INTS4: variants seen among roughly 807,000 people sequenced by gnomAD.
INTS4 encodes integrator complex subunit 4, also known as MSTP093.
INTS4 carries 70 observed loss-of-function variants against 119.5 expected under a neutral mutation model. The ratio of observed to expected loss-of-function variants is 0.59; its 90% CI spans 0.48 to 0.71. The LOEUF (loss-of-function observed/expected upper bound fraction) is 0.71. Among genes scored for constraint, INTS4 ranks in the 30% least tolerant of loss-of-function variants. INTS4 has a pLI of 0.00. For synonymous variants in INTS4, 316 were observed against 419.6 expected, an observed-to-expected ratio of 0.75 and a Z score of 3.02; for missense variants, 867 against 1,173.2, an observed-to-expected ratio of 0.74 and a Z score of 3.81.
At chr11:77,909,037 G>GT (rs1241016877) in intron 15 of INTS4, among the ~76,000 whole-genome samples, 2 of 152,320 alleles carry the variant, frequency 1.3e-5, no homozygotes, top group Non-Finnish European at 2.9e-5. Flanking sequence ...GACCTTATCA[G>GT]TTCAGTTGAA....
chr11:77,962,701 A>AT (rs1855287793), intron 4 of INTS4, among the ~76,000 whole-genome samples: 1 of 151,870 alleles, frequency 6.6e-6, no homozygotes, highest in African/African-American at 2.4e-5. Context: ...TGGTACTTGT[A>AT]TTTTATTTTT....
chr11:77,962,186 G>A (rs1954491915), intron 4 of INTS4, among the ~76,000 whole-genome samples: 1 of 152,216 alleles, frequency 6.6e-6, no homozygotes, highest in Non-Finnish European at 1.5e-5. Flanking sequence ...AGAAGGCTGA[G>A]GTAGGAGGAT....
chr11:77,974,506 G>T (rs1855869523), intron 4 of INTS4, among the ~76,000 whole-genome samples: 1 of 151,494 alleles, frequency 6.6e-6, no homozygotes, highest in Non-Finnish European at 1.5e-5. Context: ...CTCCCAAAGT[G>T]CTGGGATTAC....
At chr11:77,931,799 A>G (rs1030842309) in intron 10 of INTS4, among the ~76,000 whole-genome samples, 1 of 152,200 alleles carries the variant, frequency 6.6e-6, no homozygotes, top group Non-Finnish European at 1.5e-5. Context: ...ATCTACAACC[A>G]TCTGATCTTT....
intron 12 of INTS4, 171 bp from the exon 13 acceptor site, chr11:77,922,642 A>T (rs1953391095): frequency 2.1e-6 from 2 of 970,716 alleles, no homozygotes. Flanking sequence ...GAACTCGGTT[A>T]ATTCATCTAA....
intron 6 of INTS4, among the ~76,000 whole-genome samples, 153 bp from the exon 7 acceptor site, chr11:77,958,987 A>G (rs1243646480): frequency 1.3e-5 from 2 of 152,186 alleles, no homozygotes; most frequent in Non-Finnish European, 2.9e-5. Flanking sequence ...TTAAAAATGA[A>G]TCTTGACCTC....
At chr11:77,920,646 AT>A (rs1276980824) in intron 14 of INTS4, among the ~76,000 whole-genome samples, 4 of 151,880 alleles carry the variant, frequency 2.6e-5, no homozygotes, top group Non-Finnish European at 2.9e-5. Context: ...AGGTCAGGAG[AT>A]CAAGACCATC....
chr11:77,919,068 T>C, intron 14 of INTS4, 90 bp from the exon 15 acceptor site: 1 of 1,378,120 alleles, frequency 7.3e-7, no homozygotes, highest in Non-Finnish European at 1.0e-6. Flanking sequence ...ATTAAAAACG[T>C]GAGCTAAACA....
chr11:77,991,732 C>T (rs1015270797), intron 1 of INTS4, among the ~76,000 whole-genome samples: 22 of 152,010 alleles, frequency 1.4e-4, no homozygotes, highest in African/African-American at 4.6e-4. Flanking sequence ...ATTGTGGTAG[C>T]CTTTGGGTTT....
chr11:77,907,083 G>T (rs1591040345), intron 16 of INTS4, among the ~76,000 whole-genome samples: 1 of 151,170 alleles, frequency 6.6e-6, no homozygotes, highest in South Asian at 2.1e-4. Context: ...GAGTTTTTTT[G>T]TTTGTTTGTT....
chr11:77,921,470 A>G lies in INTS4; in HGVS notation c.1634T>C (p.Ile545Thr). 2 of 1,604,076 alleles carry G rather than the reference A, an allele frequency of 1.2e-6. No individual in the cohort carries two copies. The highest frequency in any genetic ancestry group is 1.7e-6 in the Non-Finnish European group (2 of 1,170,946). The change falls in exon 14 of 23, where the codon ATT (isoleucine) becomes ACT (threonine). Residue 545 changes from isoleucine (I) to threonine (T), a missense_variant. Physicochemically the swap from Ile to Thr is moderately conservative, Grantham distance 89. Transcript: ENST00000534064. The part of the protein sequence containing the change: ...AEPDMDDPAY[I>T]AVLVLIFNAA... ...ATTGAAAATAAGTACCAAAACTGCA[A>G]TATCTGATAGATGACTGGGTTAAGT... is the stretch of plus-strand genomic sequence containing the variant.
downstream of INTS4, chr11:77,878,696 T>C: frequency 1.4e-6 from 1 of 690,004 alleles, no homozygotes; most frequent in Non-Finnish European, 2.6e-6. Context: ...ACGCATTTCT[T>C]TACAGACCAG....
downstream of INTS4, chr11:77,876,819 TA>T (rs1951607852): frequency 1.7e-6 from 1 of 599,186 alleles, no homozygotes; most frequent in Non-Finnish European, 3.0e-6. Flanking sequence ...AAATGAGGGC[TA>T]ACTTGGAGGA....
chr11:77,950,776 G>C (rs1280142043), intron 8 of INTS4, among the ~76,000 whole-genome samples: 2 of 152,032 alleles, frequency 1.3e-5, no homozygotes, highest in East Asian at 3.9e-4. Context: ...CAACGTGCAG[G>C]TTAGTTACAT....
In INTS4 at chr11:77,928,418, A is replaced by G. The variant is rs1953563650; in HGVS notation, c.1295T>C (p.Ile432Thr). 6.2e-7 allele frequency: 1 copy of G among 1,610,974 alleles called. No homozygotes were observed. Among genetic ancestry groups the G allele is most frequent in the Non-Finnish European group, 8.5e-7 (1 of 1,177,564 alleles). ...GTTAGAGATTTTTCTCATGGTATGT[A>G]TAGACTGCAGACGTACTTCCTCAAT... ...DEIEEVRLQS[I>T]HTMRKISNNI... Residue 432 changes from isoleucine (I) to threonine (T), a missense_variant, in exon 11 of 23, where the codon ATA (isoleucine) becomes ACA (threonine). Around this residue, in one of 5 missense-constraint regions of INTS4, gnomAD observed 208 missense variants for 306.6 expected, o/e 0.68. Coordinates refer to ENST00000534064, the MANE Select transcript of INTS4 (RefSeq NM_033547.4).
At chr11:77,975,367 A>G (rs1855904632) in intron 4 of INTS4, among the ~76,000 whole-genome samples, 1 of 152,032 alleles carries the variant, frequency 6.6e-6, no homozygotes, top group Admixed American at 6.6e-5. Context: ...TAATTTCCAC[A>G]TTTGTGGGTT....
intron 6 of INTS4, 84 bp from the exon 7 acceptor site, chr11:77,958,918 G>T: frequency 1.1e-6 from 1 of 891,614 alleles, no homozygotes; most frequent in Non-Finnish European, 1.8e-6. Context: ...AGATAGGGTG[G>T]TTGGATAAGG....
At chr11:77,952,062 G>T (rs1340283107) in intron 8 of INTS4, among the ~76,000 whole-genome samples, 1 of 152,132 alleles carries the variant, frequency 6.6e-6, no homozygotes, top group East Asian at 1.9e-4. Context: ...TTACACTGTT[G>T]GTGGGACTGT....
intron 9 of INTS4, 42 bp downstream of exon 9, chr11:77,941,138 G>A (rs753663186): frequency 1.2e-6 from 2 of 1,604,034 alleles, no homozygotes; most frequent in Non-Finnish European, 1.7e-6. Flanking sequence ...CCACTACATT[G>A]GTTACAGAAA....
Sources: allele counts gnomAD v4.1 joint callset (sites outside exome capture counted in the v4.1 genomes callset), GRCh38; gene constraint gnomAD v4.1.1; regional missense constraint gnomAD v4.1.1; transcripts MANE v1.5; gene names NCBI Gene and HGNC (gene_info 2026-07-23, HGNC 2026-07-21).